UBE3A: variants seen among roughly 807,000 people sequenced by gnomAD.
UBE3A encodes the protein ubiquitin protein ligase E3A, also known as ubiquitin-protein ligase E3A.
Under a neutral mutation model 83.4 loss-of-function variants are expected in UBE3A, and 6 were observed. The ratio of observed to expected loss-of-function variants is 0.07; its 90% CI spans 0.04 to 0.14. The LOEUF is 0.14. Among genes scored for constraint, UBE3A ranks in the 10% least tolerant of loss-of-function variants. The pLI, the probability that UBE3A is intolerant of heterozygous loss-of-function variation, is 1.00. For missense variants in UBE3A, 456 were observed against 1,036.1 expected (o/e 0.44, Z 7.69); for synonymous variants, 337 against 355.4 (o/e 0.95, Z 0.58).
chr15:25,353,021 TCA>T (rs555562753), intron 11 of UBE3A, among the ~76,000 whole-genome samples: 91 of 152,352 alleles, frequency 6.0e-4, no homozygotes, highest in Non-Finnish European at 1.1e-3. Flanking sequence ...TCAACTATTC[TCA>T]GAGATGCATC....
At chr15:25,375,442 C>T in intron 5 of UBE3A, 23 bp downstream of exon 5, 1 of 1,611,710 alleles carries the variant, frequency 6.2e-7, no homozygotes, top group Non-Finnish European at 8.5e-7. Flanking sequence ...CAACAATTCT[C>T]AATTGAAAAT....
intron 4 of UBE3A, among the ~76,000 whole-genome samples, chr15:25,395,334 G>A (rs2085310954): frequency 6.6e-6 from 1 of 152,154 alleles, no homozygotes; most frequent in East Asian, 1.9e-4. Context: ...CATTCCGGCT[G>A]CTACTAGAGA....
chr15:25,388,803 A>C (rs2083674056), intron 4 of UBE3A, among the ~76,000 whole-genome samples: 1 of 152,164 alleles, frequency 6.6e-6, no homozygotes, highest in Admixed American at 6.5e-5. Context: ...AAAAGTTAAT[A>C]GCTTTCCTGT....
chr15:25,408,376 A>C (rs533040602), intron 3 of UBE3A: 142 of 584,092 alleles, frequency 2.4e-4, no homozygotes, highest in Admixed American at 8.7e-4. Context: ...CTAATTCAAA[A>C]CATATAACCA....
At chr15:25,356,301 G>A (rs1374464665) in intron 8 of UBE3A, among the ~76,000 whole-genome samples, 6 of 151,196 alleles carry the variant, frequency 4.0e-5, no homozygotes. Context: ...TTCACACTGT[G>A]CTCTATGAGA....
At chr15:25,356,649 A>T (rs779575880) in intron 8 of UBE3A, 42 bp downstream of exon 8, 50 of 1,575,916 alleles carry the variant, frequency 3.2e-5, no homozygotes, top group Non-Finnish European at 4.2e-5. Flanking sequence ...GCATTTAAAT[A>T]AAATCTAAGA....
chr15:25,367,236 T>TATGTAAA, intron 6 of UBE3A, among the ~76,000 whole-genome samples: 1 of 78,384 alleles, frequency 1.3e-5, no homozygotes, highest in Middle Eastern at 6.8e-3. Context: ...TATTTGTAAA[T>TATGTAAA]ATGTAAATAT....
Position 25,438,769 on chromosome 15 carries a change from G to A in UBE3A, c.-445C>T, listed in dbSNP as rs1299089785. 6.6e-6 allele frequency: 1 copy of A among 152,402 alleles called. No homozygotes were observed. Among genetic ancestry groups the A allele is most frequent in the African/African-American group, 2.4e-5 (1 of 41,466 alleles). 9.4% of individuals were successfully genotyped at this position (152,402 alleles called of 1,614,324 possible). ...ACAGGCCGCGAGCTATTCCGAGGAG[G>A]AGCCGAAGGAGGCGCCGCCGCCCGC... On this transcript the variant is annotated 5_prime_UTR_variant, in exon 1 of 13. Transcript: ENST00000648336.
intron 3 of UBE3A, 78 bp downstream of exon 3, chr15:25,409,010 C>T: frequency 6.9e-7 from 1 of 1,444,046 alleles, no homozygotes. Flanking sequence ...GCCAACTATA[C>T]ATTGTCTTCA....
At chr15:25,378,382 T>A (rs1301422559) in intron 4 of UBE3A, among the ~76,000 whole-genome samples, 1 of 152,162 alleles carries the variant, frequency 6.6e-6, no homozygotes, top group Admixed American at 6.5e-5. Flanking sequence ...TGGGCCTCAG[T>A]TTTCCCAGCT....
chr15:25,343,767 T>A (rs769731369), intron 11 of UBE3A, among the ~76,000 whole-genome samples: 1 of 152,058 alleles, frequency 6.6e-6, no homozygotes, highest in African/African-American at 2.4e-5. Context: ...CCTTAACATA[T>A]AAAGTTTCTA....
intron 4 of UBE3A, among the ~76,000 whole-genome samples, chr15:25,392,012 C>G (rs187892599): frequency 6.6e-6 from 1 of 151,512 alleles, no homozygotes; most frequent in South Asian, 2.1e-4. Flanking sequence ...CCTCAAAAAC[C>G]GAGAAGAAAC....
In UBE3A at chr15:25,371,091, A is replaced by C. The variant is rs750562112; in HGVS notation, c.1083T>G (p.Asp361Glu). ...NEFNSRNLVNDDDAIVAASKC... is the reference protein window; with the variant it reads ...NEFNSRNLVNEDDAIVAASKC... Reference sequence around the variant, plus strand: ...TCGAAGCAGCAACAATGGCATCATCATCATTCACTAGATTTCGACTGTTAA... The same window carrying C: ...TCGAAGCAGCAACAATGGCATCATCCTCATTCACTAGATTTCGACTGTTAA... Residue 361 changes from aspartate (D) to glutamate (E), a missense_variant, in exon 6 of 13, where the codon GAT becomes GAG. Physicochemically the swap from Asp to Glu is conservative, Grantham distance 45. Around this residue, in one of 13 missense-constraint regions of UBE3A, gnomAD observed 85 missense variants for 137.0 expected, o/e 0.62. Transcript: ENST00000648336. The surrounding 1 kb of genome is among the most constrained non-coding windows in gnomAD (Gnocchi z 5.3). 1 of 1,614,110 alleles carries C rather than the reference A, an allele frequency of 6.2e-7. No individual in the cohort carries two copies. Among genetic ancestry groups the C allele is most frequent in the Admixed American group, 1.7e-5 (1 of 60,014 alleles).
intron 1 of UBE3A, among the ~76,000 whole-genome samples, chr15:25,423,106 CAT>C (rs1249953595): frequency 2.6e-5 from 4 of 151,886 alleles, no homozygotes; most frequent in Non-Finnish European, 2.9e-5. Flanking sequence ...TAAAATTTCA[CAT>C]GACTAGATAC....
intron 6 of UBE3A, among the ~76,000 whole-genome samples, chr15:25,369,283 TAGAA>T: frequency 6.7e-6 from 1 of 149,292 alleles, no homozygotes; most frequent in African/African-American, 2.5e-5. Flanking sequence ...TTGTCTCTGC[TAGAA>T]AACCACCTGA....
rs932426413 is a variant in UBE3A, at chr15:25,341,431, C to T, written c.2355-1203G>A. ...AAAAAATTAAAAGTATTTTTAGTTG[C>T]TTATATAATATAAAATGCATTTTAA... On this transcript the variant is annotated intron_variant, in intron 11 of 12. Coordinates refer to ENST00000648336, the MANE Select transcript of UBE3A (RefSeq NM_130839.5). 7.3e-5 allele frequency among the ~76,000 whole-genome samples: 11 copies of T among 151,252 alleles called. No individual in the cohort carries two copies. The East Asian group carries it at 1.5e-3, about 21-fold the overall frequency.
rs17115485 is a variant in UBE3A, at chr15:25,339,409, A to G, written c.2499-152T>C. ...GCAAATCATAAACTTTTTGTTGTGT[A>G]ACTACCAAGTTGCCTTTATCCTATA... On this transcript the variant is annotated intron_variant, in intron 12 of 12. Coordinates refer to ENST00000648336, the MANE Select transcript of UBE3A (RefSeq NM_130839.5). 0.12 allele frequency: 111,510 copies of G among 934,350 alleles called. 7,183 individuals carry two copies. The highest frequency in any genetic ancestry group is 0.17 in the Middle Eastern group (483 of 2,900). The allele number at this position is 934,350 out of a possible 1,614,324, so 57.9% of individuals were successfully genotyped here.
At chr15:25,351,709 G>C (rs771877440) in intron 11 of UBE3A, among the ~76,000 whole-genome samples, 6 of 152,148 alleles carry the variant, frequency 3.9e-5, no homozygotes, top group Non-Finnish European at 7.3e-5. Context: ...GGCTTCCGGT[G>C]ATCTGCCCGC....
At chr15:25,417,742 T>C (rs532751684) in intron 1 of UBE3A, among the ~76,000 whole-genome samples, 27 of 152,014 alleles carry the variant, frequency 1.8e-4, no homozygotes, top group African/African-American at 6.5e-4. Context: ...ATAATGAATA[T>C]GATGTTAATG....
Sources: gnomAD v4.1 joint callset for allele counts (sites outside exome capture counted in the v4.1 genomes callset) on GRCh38, gnomAD v4.1.1 for gene constraint, gnomAD v4.1.1 regional missense constraint, Gnocchi (gnomAD v3.1) non-coding constraint, MANE v1.5 for transcripts, NCBI Gene and HGNC (gene_info 2026-07-23, HGNC 2026-07-21) for gene names.